SLC8A1: variants seen among roughly 807,000 people sequenced by gnomAD.
SLC8A1 encodes the protein solute carrier family 8 member A1.
SLC8A1 carries 18 observed loss-of-function variants against 68.3 expected under a neutral mutation model. The observed-to-expected ratio is 0.26, with a 90% CI of 0.18 to 0.39. The LOEUF is 0.39. Among genes scored for constraint, SLC8A1 ranks in the 10% least tolerant of loss-of-function variants. SLC8A1 has a pLI of 1.00. For synonymous variants in SLC8A1, 475 were observed against 415.5 expected (o/e 1.14, Z -1.74); for missense variants, 985 against 1,156.7 (o/e 0.85, Z 2.15).
intron 2 of SLC8A1, among the ~76,000 whole-genome samples, chr2:40,308,676 C>T (rs2073120016): frequency 6.6e-6 from 1 of 152,056 alleles, no homozygotes; most frequent in South Asian, 2.1e-4. Context: ...AAAAACAAAC[C>T]TCTAAAGGTG....
Position 40,411,814 on chromosome 2 carries a change from A to T in SLC8A1, c.1808+16659T>A, listed in dbSNP as rs1692243698. 2.0e-5 allele frequency among the ~76,000 whole-genome samples: 3 copies of T among 152,196 alleles called. No homozygotes were observed. The South Asian group carries it at 6.2e-4, about 32-fold the overall frequency. ...AAAAAGTAGCCATCTCTGGTTTGTG[A>T]AATTACAATTTTCTCCTTGTCTTTT... On this transcript the variant is annotated intron_variant, in intron 2 of 7. Transcript: ENST00000406785.
At chr2:40,282,918 C>T (rs145904407) in intron 2 of SLC8A1, among the ~76,000 whole-genome samples, 33 of 152,246 alleles carry the variant, frequency 2.2e-4, no homozygotes, top group African/African-American at 6.7e-4. Flanking sequence ...ATCATTTATT[C>T]GTCTGTATAG....
chr2:40,439,438 C>T (rs1473917389), intron 1 of SLC8A1, among the ~76,000 whole-genome samples: 1 of 152,094 alleles, frequency 6.6e-6, no homozygotes, highest in Non-Finnish European at 1.5e-5. Flanking sequence ...GGGGCAGCCC[C>T]TACTCTTTTT....
chr2:40,470,137 G>C (rs1237712775), intron 1 of SLC8A1, among the ~76,000 whole-genome samples: 1 of 151,862 alleles, frequency 6.6e-6, no homozygotes. Context: ...ATTTTCTCTG[G>C]AACTAATCCA....
chr2:40,461,291 G>T (rs530387178), intron 1 of SLC8A1, among the ~76,000 whole-genome samples: 1 of 152,244 alleles, frequency 6.6e-6, no homozygotes, highest in East Asian at 1.9e-4. Flanking sequence ...CTGAGATGAT[G>T]AATGGTAGCA....
chr2:40,357,981 G>A (rs940318520), intron 2 of SLC8A1, among the ~76,000 whole-genome samples: 2 of 144,854 alleles, frequency 1.4e-5, no homozygotes, highest in Non-Finnish European at 3.0e-5. Context: ...TATAAAAAGG[G>A]ATAAAGGGAA....
At chr2:40,434,325 A>C (rs1698982046) in intron 1 of SLC8A1, among the ~76,000 whole-genome samples, 1 of 152,242 alleles carries the variant, frequency 6.6e-6, no homozygotes, top group African/African-American at 2.4e-5. Context: ...AATTGGAAAG[A>C]ACTCTCTGGA....
At chr2:40,367,518 C>G (rs971113932) in intron 2 of SLC8A1, among the ~76,000 whole-genome samples, 1 of 151,970 alleles carries the variant, frequency 6.6e-6, no homozygotes, top group Admixed American at 6.6e-5. Context: ...CCAATAGAAA[C>G]ACAATGTACC....
intron 2 of SLC8A1, among the ~76,000 whole-genome samples, chr2:40,424,183 T>C (rs971842171): frequency 3.9e-5 from 6 of 151,904 alleles, no homozygotes; most frequent in Non-Finnish European, 5.9e-5. Flanking sequence ...TTTTTTCTAA[T>C]ATTTTTCATC....
intron 2 of SLC8A1, among the ~76,000 whole-genome samples, chr2:40,201,418 C>T (rs2054340617): frequency 6.6e-6 from 1 of 151,794 alleles, no homozygotes; most frequent in Admixed American, 6.6e-5. Flanking sequence ...TACTCCAAAC[C>T]AGAGATTTTA....
chr2:40,464,006 TGTC>T (rs1703507548), intron 1 of SLC8A1, among the ~76,000 whole-genome samples: 1 of 152,078 alleles, frequency 6.6e-6, no homozygotes, highest in Non-Finnish European at 1.5e-5. Flanking sequence ...GCAATTCTCC[TGTC>T]TCAGCCTCCT....
At chr2:40,347,664 G>A (rs1255281441) in intron 2 of SLC8A1, among the ~76,000 whole-genome samples, 4 of 152,056 alleles carry the variant, frequency 2.6e-5, no homozygotes, top group East Asian at 1.9e-4. Context: ...GGCTTTAATC[G>A]AATGTTATAC....
At chr2:40,273,050 C>G (rs1403405147) in intron 2 of SLC8A1, among the ~76,000 whole-genome samples, 2 of 152,194 alleles carry the variant, frequency 1.3e-5, no homozygotes, top group Non-Finnish European at 2.9e-5. Context: ...TCAAGTGATT[C>G]TCCTGCCTCA....
intron 4 of SLC8A1, among the ~76,000 whole-genome samples, chr2:40,169,214 C>G (rs771876775): frequency 6.6e-6 from 1 of 152,170 alleles, no homozygotes; most frequent in Non-Finnish European, 1.5e-5. Context: ...ATCTCTACCT[C>G]AGGGGACACT....
chr2:40,292,653 A>ACCTT (rs2069544905), intron 2 of SLC8A1, among the ~76,000 whole-genome samples: 1 of 152,132 alleles, frequency 6.6e-6, no homozygotes, highest in Admixed American at 6.6e-5. Flanking sequence ...AATCAGTAAG[A>ACCTT]CCTTGGAAGC....
At chr2:40,269,989 G>A (rs191889171) in intron 2 of SLC8A1, among the ~76,000 whole-genome samples, 1 of 152,086 alleles carries the variant, frequency 6.6e-6, no homozygotes. Context: ...GATCCTGATA[G>A]CTCCTTAATT....
chr2:40,265,290 G>A (rs900486216), intron 2 of SLC8A1, among the ~76,000 whole-genome samples: 16 of 152,116 alleles, frequency 1.1e-4, no homozygotes, highest in South Asian at 2.1e-4. Flanking sequence ...CCAAAGATGA[G>A]AAACTATTAA....
intron 2 of SLC8A1, among the ~76,000 whole-genome samples, chr2:40,238,828 A>G (rs982318365): frequency 4.6e-5 from 7 of 152,208 alleles, no homozygotes; most frequent in African/African-American, 1.7e-4. Context: ...CATTATATAT[A>G]GAAGCCATTT....
intron 2 of SLC8A1, among the ~76,000 whole-genome samples, chr2:40,304,233 C>T (rs912601798): frequency 2.0e-5 from 3 of 152,162 alleles, no homozygotes; most frequent in Non-Finnish European, 4.4e-5. Flanking sequence ...GATGTCCTTC[C>T]AGCTAGTCCA....
Sources: allele counts gnomAD v4.1 joint callset (sites outside exome capture counted in the v4.1 genomes callset), GRCh38; gene constraint gnomAD v4.1.1; transcripts MANE v1.5; gene names NCBI Gene and HGNC (gene_info 2026-07-23, HGNC 2026-07-21).